Variants in SNTB1 observed in about 807,000 individuals in gnomAD.
SNTB1 encodes the protein syntrophin beta 1, also known as beta-1-syntrophin.
SNTB1 carries 36 observed loss-of-function variants against 48.9 expected under a neutral mutation model. The observed-to-expected ratio is 0.74, with a 90% CI of 0.56 to 0.97. SNTB1 has a LOEUF of 0.97. Among genes scored for constraint, SNTB1 ranks in the 50% least tolerant of loss-of-function variants. The pLI, the probability that SNTB1 is intolerant of heterozygous loss-of-function variation, is 0.00. For missense variants in SNTB1, 786 were observed against 703.4 expected, an observed-to-expected ratio of 1.12 and a Z score of -1.33; for synonymous variants, 299 against 294.6, an observed-to-expected ratio of 1.01 and a Z score of -0.15.
intron 1 of SNTB1, among the ~76,000 whole-genome samples, chr8:120,726,475 A>G (rs1023449085): frequency 6.6e-6 from 1 of 152,210 alleles, no homozygotes; most frequent in African/African-American, 2.4e-5. Context: ...TGTAATTCCC[A>G]CAATTTTTCA....
chr8:120,746,746 T>A (rs571760243), intron 1 of SNTB1, among the ~76,000 whole-genome samples: 20 of 152,250 alleles, frequency 1.3e-4, no homozygotes, highest in Non-Finnish European at 1.9e-4. Flanking sequence ...TTATTCAGTA[T>A]AATAAACATT....
intron 3 of SNTB1, among the ~76,000 whole-genome samples, chr8:120,631,881 A>G (rs1816987238): frequency 6.6e-6 from 1 of 152,196 alleles, no homozygotes; most frequent in South Asian, 2.1e-4. Context: ...ACTGTGCCTC[A>G]CAAAAGTAGG....
intron 1 of SNTB1, among the ~76,000 whole-genome samples, chr8:120,808,902 TA>T (rs959145205): frequency 2.6e-5 from 4 of 151,938 alleles, no homozygotes; most frequent in Admixed American, 6.6e-5. Flanking sequence ...TAGGTTTTTT[TA>T]AAAAAAAGGG....
chr8:120,734,085 A>C (rs1043409001), intron 1 of SNTB1, among the ~76,000 whole-genome samples: 1 of 152,210 alleles, frequency 6.6e-6, no homozygotes, highest in African/African-American at 2.4e-5. Context: ...TTTAATGCAA[A>C]TTATAGAGGA....
At chr8:120,780,461 C>T (rs1309025229) in intron 1 of SNTB1, among the ~76,000 whole-genome samples, 1 of 152,110 alleles carries the variant, frequency 6.6e-6, no homozygotes, top group Non-Finnish European at 1.5e-5. Flanking sequence ...CAAAGAAACC[C>T]AAAATGGTCA....
chr8:120,791,656 A>G (rs1820038487), intron 1 of SNTB1, among the ~76,000 whole-genome samples: 1 of 151,976 alleles, frequency 6.6e-6, no homozygotes, highest in African/African-American at 2.4e-5. Flanking sequence ...TGAAGCTATG[A>G]ATTTCTCAAA....
chr8:120,692,767 T>C (rs925536623), intron 2 of SNTB1, among the ~76,000 whole-genome samples: 3 of 152,176 alleles, frequency 2.0e-5, no homozygotes, highest in Admixed American at 6.5e-5. Flanking sequence ...AAGTATACAG[T>C]TGACAGCACT....
chr8:120,685,579 CT>C (rs1818016963), intron 2 of SNTB1, among the ~76,000 whole-genome samples: 1 of 152,204 alleles, frequency 6.6e-6, no homozygotes, highest in Non-Finnish European at 1.5e-5. Flanking sequence ...AGCCTTAAAT[CT>C]CCAAATGCCT....
rs1815462104 is a variant in SNTB1 at position 120,550,503 on chromosome 8, C to CT, written c.1137-1546dup. Among the ~76,000 whole-genome samples, 3 of 147,662 alleles carry CT rather than the reference C, an allele frequency of 2.0e-5. No individual in the cohort carries two copies. The South Asian group carries it at 6.4e-4, about 32-fold the overall frequency. On this transcript the variant is annotated intron_variant, in intron 4 of 6. Coordinates refer to ENST00000517992, the MANE Select transcript of SNTB1 (RefSeq NM_021021.4). ...ATTGCAGTGAGCTGAGATTGCACCA[C>CT]TGCACTCCAGCCTGGGCAACAGTGC...
intron 1 of SNTB1, among the ~76,000 whole-genome samples, chr8:120,772,564 ATG>A (rs1438458743): frequency 6.6e-6 from 1 of 152,142 alleles, no homozygotes; most frequent in Non-Finnish European, 1.5e-5. Flanking sequence ...CACTTTTAAA[ATG>A]TGTGTGTGTT....
intron 5 of SNTB1, among the ~76,000 whole-genome samples, chr8:120,548,255 A>G (rs1815416307): frequency 6.6e-6 from 1 of 152,162 alleles, no homozygotes; most frequent in Non-Finnish European, 1.5e-5. Flanking sequence ...CTTCCTGTAC[A>G]GTCTGCAGAA....
intron 2 of SNTB1, among the ~76,000 whole-genome samples, chr8:120,638,777 G>A (rs1281842445): frequency 3.9e-5 from 6 of 152,132 alleles, no homozygotes; most frequent in Non-Finnish European, 8.8e-5. Context: ...GTGTATATGT[G>A]CCACATTTTC....
chr8:120,685,737 G>A (rs372543954), intron 2 of SNTB1, among the ~76,000 whole-genome samples: 1 of 152,146 alleles, frequency 6.6e-6, no homozygotes, highest in African/African-American at 2.4e-5. Flanking sequence ...GAATTTTCCA[G>A]ATCTTTAAGT....
intron 1 of SNTB1, among the ~76,000 whole-genome samples, chr8:120,744,386 T>C (rs1819091020): frequency 6.6e-6 from 1 of 152,154 alleles, no homozygotes; most frequent in Admixed American, 6.5e-5. Flanking sequence ...CAAAGATTCC[T>C]TGAGCTACAC....
At chr8:120,661,451 G>A (rs1817586159) in intron 2 of SNTB1, among the ~76,000 whole-genome samples, 1 of 152,110 alleles carries the variant, frequency 6.6e-6, no homozygotes, top group South Asian at 2.1e-4. Context: ...CTATTATTGA[G>A]CCTAGAGTCC....
intron 4 of SNTB1, among the ~76,000 whole-genome samples, chr8:120,571,725 C>T (rs925400004): frequency 1.3e-5 from 2 of 151,920 alleles, no homozygotes; most frequent in Non-Finnish European, 2.9e-5. Context: ...TCTCGAACTC[C>T]TGATTTCAGG....
chr8:120,805,464 C>T (rs1379950080), intron 1 of SNTB1, among the ~76,000 whole-genome samples: 1 of 152,088 alleles, frequency 6.6e-6, no homozygotes, highest in Non-Finnish European at 1.5e-5. Flanking sequence ...AGGAATTAGA[C>T]CGCCATTGCA....
intron 3 of SNTB1, among the ~76,000 whole-genome samples, chr8:120,621,957 C>T (rs1220716628): frequency 6.6e-6 from 1 of 152,162 alleles, no homozygotes; most frequent in Non-Finnish European, 1.5e-5. Flanking sequence ...GTGTCTACTG[C>T]CAACAGGGAA....
At chr8:120,725,697 C>T (rs562630411) in intron 1 of SNTB1, among the ~76,000 whole-genome samples, 2 of 152,266 alleles carry the variant, frequency 1.3e-5, no homozygotes, top group East Asian at 3.9e-4. Flanking sequence ...AGAGAAAGGA[C>T]AGATTAAATT....
Sources: allele counts gnomAD v4.1 joint callset (sites outside exome capture counted in the v4.1 genomes callset), GRCh38; gene constraint gnomAD v4.1.1; transcripts MANE v1.5; gene names NCBI Gene and HGNC (gene_info 2026-07-23, HGNC 2026-07-21).